Variants in CAPSL observed in about 807,000 individuals in gnomAD.
CAPSL encodes the protein calcyphosin-like protein.
A neutral mutation model predicts 21.3 loss-of-function variants in CAPSL; 17 were observed. The observed-to-expected ratio is 0.80, with a 90% CI of 0.55 to 1.20. The LOEUF is 1.20. Among genes scored for constraint, CAPSL ranks in the 50% most tolerant of loss-of-function variants. The pLI, the probability that CAPSL is intolerant of heterozygous loss-of-function variation, is 0.00. For synonymous variants in CAPSL, 102 were observed against 89.3 expected (o/e 1.14, Z -0.80); for missense variants, 289 against 259.3 (o/e 1.11, Z -0.79).
intron 4 of CAPSL, among the ~76,000 whole-genome samples, chr5:35,908,667 G>A (rs1738100795): frequency 6.6e-6 from 1 of 152,154 alleles, no homozygotes; most frequent in African/African-American, 2.4e-5. Flanking sequence ...AAGAAAACAT[G>A]TAGTTTTTAT....
chr5:35,911,936 G>A (rs1312666925), intron 2 of CAPSL, among the ~76,000 whole-genome samples: 1 of 152,208 alleles, frequency 6.6e-6, no homozygotes, highest in Non-Finnish European at 1.5e-5. Flanking sequence ...GGAAGCGCAA[G>A]GGGTCAGGGA....
Position 35,934,192 on chromosome 5 carries a change from G to A in CAPSL, c.-1+4349C>T, listed in dbSNP as rs542250682. On this transcript the variant is annotated intron_variant, in intron 1 of 4. Transcript: ENST00000651391. ...CATTCATCCAGAGATTAAAGCAATG[G>A]TTGAAGCCAAAAGTGTTATTCCACG... Among the ~76,000 whole-genome samples, 6 of 152,298 alleles carry A rather than the reference G, an allele frequency of 3.9e-5. No individual in the cohort carries two copies. The South Asian group carries it at 1.0e-3, about 26-fold the overall frequency.
intron 4 of CAPSL, among the ~76,000 whole-genome samples, chr5:35,908,661 A>G (rs1738100609): frequency 6.6e-6 from 1 of 152,182 alleles, no homozygotes; most frequent in Non-Finnish European, 1.5e-5. Flanking sequence ...TACTGGAAGA[A>G]AACATGTAGT....
chr5:35,928,238 C>A (rs995888324), intron 1 of CAPSL, among the ~76,000 whole-genome samples: 11 of 152,172 alleles, frequency 7.2e-5, no homozygotes, highest in Non-Finnish European at 1.6e-4. Flanking sequence ...GTCCTTGTGA[C>A]CTAACCAACT....
chr5:35,906,463 C>G (rs536140391), intron 4 of CAPSL, among the ~76,000 whole-genome samples: 3 of 152,200 alleles, frequency 2.0e-5, no homozygotes, highest in Admixed American at 6.5e-5. Flanking sequence ...CAGGCTCCAG[C>G]CCTTTCTCGT....
intron 4 of CAPSL, among the ~76,000 whole-genome samples, chr5:35,907,430 T>G (rs1390362018): frequency 2.6e-5 from 4 of 152,170 alleles, no homozygotes; most frequent in Non-Finnish European, 4.4e-5. Context: ...TATATACACA[T>G]GAAGAATTCA....
chr5:35,927,275 T>A (rs957563475), intron 1 of CAPSL, among the ~76,000 whole-genome samples: 1 of 152,196 alleles, frequency 6.6e-6, no homozygotes, highest in Non-Finnish European at 1.5e-5. Flanking sequence ...CTGTCCCACC[T>A]CTTGATGCTG....
At chr5:35,934,098 T>A (rs1489664707) in intron 1 of CAPSL, among the ~76,000 whole-genome samples, 2 of 152,246 alleles carry the variant, frequency 1.3e-5, no homozygotes, top group Non-Finnish European at 2.9e-5. Flanking sequence ...AACCTTGATA[T>A]GTTTTCTTTA....
intron 2 of CAPSL, among the ~76,000 whole-genome samples, chr5:35,920,162 T>C (rs763522849): frequency 6.6e-6 from 1 of 152,182 alleles, no homozygotes; most frequent in Non-Finnish European, 1.5e-5. Context: ...TTGCTGGAAG[T>C]GAAGCCTTCC....
intron 4 of CAPSL, among the ~76,000 whole-genome samples, chr5:35,908,193 C>T (rs1010600): frequency 0.39 from 58,558 of 152,060 alleles, 13,042 homozygotes; most frequent in East Asian, 0.65. Context: ...TCATCTGGTA[C>T]ACATTAAAAT....
intron 2 of CAPSL, among the ~76,000 whole-genome samples, chr5:35,910,864 C>A (rs773919889): frequency 1.3e-5 from 2 of 152,136 alleles, no homozygotes; most frequent in Non-Finnish European, 2.9e-5. Context: ...CTTTATAATA[C>A]TATGATGGTG....
intron 4 of CAPSL, among the ~76,000 whole-genome samples, chr5:35,908,576 C>T (rs1738098849): frequency 6.6e-6 from 1 of 152,170 alleles, no homozygotes; most frequent in Non-Finnish European, 1.5e-5. Context: ...CTAGGATCCA[C>T]AAAGGGGTGG....
At chr5:35,913,376 C>G (rs550195945) in intron 2 of CAPSL, among the ~76,000 whole-genome samples, 2 of 151,960 alleles carry the variant, frequency 1.3e-5, no homozygotes, top group Admixed American at 6.6e-5. Flanking sequence ...AGATAGTCCT[C>G]GAGAAGAGCA....
chr5:35,909,842 C>A, intron 4 of CAPSL, 24 bp downstream of exon 4: 1 of 1,576,510 alleles, frequency 6.3e-7, no homozygotes, highest in Non-Finnish European at 8.6e-7. Context: ...AGAAATTTCC[C>A]CTAGATTAGG....
At chr5:35,924,009 T>C (rs1243374569) in intron 1 of CAPSL, among the ~76,000 whole-genome samples, 1 of 143,992 alleles carries the variant, frequency 6.9e-6, no homozygotes, top group Non-Finnish European at 1.5e-5. Flanking sequence ...TACAACTTTA[T>C]CTGTCAATTT....
At chr5:35,923,702 A>T (rs1296932169) in intron 1 of CAPSL, among the ~76,000 whole-genome samples, 2 of 144,976 alleles carry the variant, frequency 1.4e-5, no homozygotes, top group African/African-American at 5.0e-5. Flanking sequence ...GAATAGGCAA[A>T]TTCATAGAGA....
chr5:35,925,935 TC>T (rs1738663745), intron 1 of CAPSL, among the ~76,000 whole-genome samples: 1 of 151,652 alleles, frequency 6.6e-6, no homozygotes, highest in South Asian at 2.1e-4. Flanking sequence ...AATTAGCCGG[TC>T]ATGATGGCGG....
intron 2 of CAPSL, among the ~76,000 whole-genome samples, chr5:35,917,830 G>A (rs534144490): frequency 2.6e-4 from 39 of 151,942 alleles, no homozygotes; most frequent in Non-Finnish European, 4.4e-4. Context: ...ACAAACCTGC[G>A]CGTTGTGCAC....
At chr5:35,913,019 T>C (rs1306047829) in intron 2 of CAPSL, among the ~76,000 whole-genome samples, 3 of 152,144 alleles carry the variant, frequency 2.0e-5, no homozygotes, top group East Asian at 1.9e-4. Context: ...TTAAAGGACC[T>C]GACGGAGCTG....
Sources: gnomAD v4.1 joint callset for allele counts (sites outside exome capture counted in the v4.1 genomes callset) on GRCh38, gnomAD v4.1.1 for gene constraint, MANE v1.5 for transcripts, NCBI Gene and HGNC (gene_info 2026-07-23, HGNC 2026-07-21) for gene names.